SERINC1: variants seen among roughly 807,000 people sequenced by gnomAD.
The protein encoded by SERINC1 is tumor differentially expressed protein 2.
In SERINC1, 38 loss-of-function variants were observed where a neutral mutation model predicts 52.9. The observed-to-expected ratio is 0.72, with a 90% CI of 0.55 to 0.94. SERINC1 has a LOEUF of 0.94. SERINC1 is among the 40% of genes least tolerant of loss of function. SERINC1 has a pLI of 0.00. For synonymous variants in SERINC1, 198 were observed against 183.1 expected, an observed-to-expected ratio of 1.08 and a Z score of -0.66; for missense variants, 471 against 533.9, an observed-to-expected ratio of 0.88 and a Z score of 1.16.
chr6:122,464,774 G>A (rs890173657), intron 1 of SERINC1, among the ~76,000 whole-genome samples: 1 of 152,182 alleles, frequency 6.6e-6, no homozygotes, highest in Middle Eastern at 3.2e-3. Flanking sequence ...GCAATGGTAA[G>A]CCAAGGACTG....
At chr6:122,455,678 A>G (rs1323676989) in intron 3 of SERINC1, among the ~76,000 whole-genome samples, 1 of 152,144 alleles carries the variant, frequency 6.6e-6, no homozygotes, top group Non-Finnish European at 1.5e-5. Flanking sequence ...AAAAACAACA[A>G]TTACATAAAC....
intron 1 of SERINC1, among the ~76,000 whole-genome samples, chr6:122,466,477 T>C (rs1775194980): frequency 6.6e-6 from 1 of 152,136 alleles, no homozygotes; most frequent in Non-Finnish European, 1.5e-5. Context: ...TGGGTGTAGC[T>C]GGGACCATAA....
intron 2 of SERINC1, 68 bp from the exon 3 acceptor site, chr6:122,456,718 A>G: frequency 8.4e-7 from 1 of 1,192,244 alleles, no homozygotes; most frequent in East Asian, 2.6e-5. Context: ...ATTACATGTA[A>G]TCAAATAGTT....
At chr6:122,470,353 C>T (rs1034985371) in intron 1 of SERINC1, among the ~76,000 whole-genome samples, 1 of 152,192 alleles carries the variant, frequency 6.6e-6, no homozygotes, top group Non-Finnish European at 1.5e-5. Context: ...ACATGTATCT[C>T]ATCTTTTAAA....
At position 122,451,772 on chromosome 6, in the gene SERINC1, A is replaced by ATATATATATATAT. The variant is rs1490435665; in HGVS notation, c.760-19_760-18insATATATATATATA. The ATATATATATATAT allele has an allele frequency of 2.8e-4, 69 of 246,778 alleles. No individual in the cohort carries two copies. In the East Asian group the frequency reaches 9.4e-3, roughly 34 times the overall value. 15.3% of individuals were successfully genotyped at this position (246,778 alleles called of 1,614,324 possible). ...TGTGATTCCTACAAAAAAAAAAAAA[A>ATATATATATATAT]AAAAATATATATATATATATATAGC... On this transcript the variant is annotated intron_variant, in intron 6 of 9. Transcript: ENST00000339697.
chr6:122,456,458 T>C (rs749652024), intron 3 of SERINC1, 23 bp downstream of exon 3: 35 of 1,454,640 alleles, frequency 2.4e-5, no homozygotes, highest in East Asian at 5.0e-5. Context: ...AGCTTTTATA[T>C]TGAAGCTTAT....
chr6:122,462,597 C>CAACAA (rs915668777), intron 1 of SERINC1, among the ~76,000 whole-genome samples: 1 of 151,934 alleles, frequency 6.6e-6, no homozygotes, highest in East Asian at 1.9e-4. Context: ...GTCTGGATGA[C>CAACAA]AACAAAACAA....
In SERINC1 at chr6:122,446,915, T is replaced by C. The variant is rs1774815375; in HGVS notation, c.1085A>G (p.Asp362Gly). Residue 362 changes from aspartate to glycine, a missense_variant, in exon 9 of 10, where the codon GAT (aspartate) becomes GGT (glycine). Coordinates refer to ENST00000339697, the MANE Select transcript of SERINC1 (RefSeq NM_020755.4). ...TLIEDGGARS[D>G]GSLEDGDDVH... Reference sequence around the variant, plus strand: ...ATCGTCCCCATCCTCCAGTGATCCATCACTTCTAGCTCCACCATCTTCTAT... The same window carrying C: ...ATCGTCCCCATCCTCCAGTGATCCACCACTTCTAGCTCCACCATCTTCTAT... The C allele has an allele frequency of 3.1e-6, 5 of 1,613,580 alleles. No homozygotes were observed. Among genetic ancestry groups the C allele is most frequent in the Non-Finnish European group, 4.2e-6 (5 of 1,179,454 alleles).
At chr6:122,463,150 G>A (rs1479172806) in intron 1 of SERINC1, among the ~76,000 whole-genome samples, 1 of 152,154 alleles carries the variant, frequency 6.6e-6, no homozygotes. Flanking sequence ...ATAGATTCAT[G>A]CAAATATAAT....
At chr6:122,461,659 A>T (rs984248888) in intron 1 of SERINC1, among the ~76,000 whole-genome samples, 11 of 107,104 alleles carry the variant, frequency 1.0e-4, no homozygotes, top group Middle Eastern at 4.7e-3. Context: ...AAAGTATAAT[A>T]AAAAAAAAAA....
intron 1 of SERINC1, among the ~76,000 whole-genome samples, chr6:122,469,219 C>A (rs182733450): frequency 5.9e-5 from 9 of 151,530 alleles, no homozygotes; most frequent in African/African-American, 2.2e-4. Flanking sequence ...ACATTTTCTA[C>A]AATTATTTTA....
In SERINC1 at chr6:122,451,701, T is replaced by C. The variant is rs769270566; in HGVS notation, c.813A>G (p.Thr271=). ...TCATAGCTGACCATGTCAAATACAT[T>C]GTGTAGACTGTAATTACTGAAGACT... The part of the protein sequence containing the change: ...LLQSSVITVY[T]MYLTWSAMTN... The change falls in exon 7 of 10, where the codon ACA becomes ACG. Residue 271 remains threonine, a synonymous_variant. Coordinates refer to ENST00000339697, the MANE Select transcript of SERINC1 (RefSeq NM_020755.4). 1.9e-5 allele frequency: 24 copies of C among 1,246,040 alleles called. No individual in the cohort carries two copies. The highest frequency in any genetic ancestry group is 2.3e-5 in the Non-Finnish European group (22 of 939,214). The allele number at this position is 1,246,040 out of a possible 1,614,324, so 77.2% of individuals were successfully genotyped here.
intron 3 of SERINC1, among the ~76,000 whole-genome samples, chr6:122,455,947 TA>T (rs1162266763): frequency 6.6e-6 from 1 of 152,184 alleles, no homozygotes; most frequent in Non-Finnish European, 1.5e-5. Context: ...TTCTCATTAA[TA>T]TTTATATTCT....
At chr6:122,458,463 C>A in intron 2 of SERINC1, 57 bp downstream of exon 2, 1 of 1,157,602 alleles carries the variant, frequency 8.6e-7, no homozygotes, top group Non-Finnish European at 1.3e-6. Context: ...CAATTTTATA[C>A]ATATACATAT....
intron 1 of SERINC1, among the ~76,000 whole-genome samples, chr6:122,470,876 C>T (rs568284724): frequency 6.6e-6 from 1 of 151,836 alleles, no homozygotes; most frequent in Non-Finnish European, 1.5e-5. Flanking sequence ...TTGGAGGGGG[C>T]AGAGATTATC....
rs1014178437 is a variant in SERINC1 at position 122,446,340 on chromosome 6, T to C, written c.1226+434A>G. ...AGAAAGAATTCTAAGCTTGTAAAAA[T>C]TGTGGCTTGTAAGAATTCTAAGAAT... On this transcript the variant is annotated intron_variant, in intron 9 of 9. Transcript: ENST00000339697. 2.6e-5 allele frequency among the ~76,000 whole-genome samples: 4 copies of C among 152,204 alleles called. No individual in the cohort carries two copies. In the East Asian group the frequency reaches 5.8e-4, roughly 22 times the overall value.
chr6:122,468,256 T>A (rs1775219847), intron 1 of SERINC1, among the ~76,000 whole-genome samples: 1 of 152,226 alleles, frequency 6.6e-6, no homozygotes, highest in Admixed American at 6.5e-5. Context: ...CCAGACTTTC[T>A]TAACCATGTT....
chr6:122,470,377 C>CA (rs1444988614), intron 1 of SERINC1, among the ~76,000 whole-genome samples: 1 of 152,116 alleles, frequency 6.6e-6, no homozygotes, highest in African/African-American at 2.4e-5. Context: ...CTATTATATA[C>CA]AAAAAACTAC....
intron 3 of SERINC1, among the ~76,000 whole-genome samples, chr6:122,456,040 C>T (rs7341197): frequency 0.13 from 19,605 of 151,906 alleles, 1,386 homozygotes; most frequent in East Asian, 0.21. Context: ...ATAAGGGTAC[C>T]AGAAGTAGTG....
Sources: allele counts gnomAD v4.1 joint callset (sites outside exome capture counted in the v4.1 genomes callset), GRCh38; gene constraint gnomAD v4.1.1; transcripts MANE v1.5; gene names NCBI Gene and HGNC (gene_info 2026-07-23, HGNC 2026-07-21).